The following HNF4G variants were observed in gnomAD, a reference collection of about 807,000 sequenced individuals.
HNF4G encodes hepatocyte nuclear factor 4 gamma, also known as hepatocyte nuclear factor 4-gamma.
HNF4G carries 21 observed loss-of-function variants against 50.9 expected under a neutral mutation model. The ratio of observed to expected loss-of-function variants is 0.41; its 90% CI spans 0.29 to 0.59. HNF4G has a LOEUF of 0.59. Among genes scored for constraint, HNF4G ranks in the 20% least tolerant of loss-of-function variants. The pLI is 0.26. For missense variants in HNF4G, 527 were observed against 559.4 expected (o/e 0.94, Z 0.58); for synonymous variants, 198 against 185.6 (o/e 1.07, Z -0.54).
intron 2 of HNF4G, among the ~76,000 whole-genome samples, chr8:75,523,716 C>A (rs1806106645): frequency 6.6e-6 from 1 of 151,716 alleles, no homozygotes; most frequent in South Asian, 2.1e-4. Context: ...CTTCTCCCTG[C>A]TGTATAAAAT....
rs960389476 is a variant in HNF4G, at chr8:75,464,484, TC to T, written c.-143-25601del. ...AAGTTTTATATTGTCTCAGATTTTT[TC>T]CCCTTGGAAATGTCCTTCATGGAGC... On this transcript the variant is annotated intron_variant, in intron 1 of 10. Coordinates refer to the HNF4G transcript ENST00000354370. Among the ~76,000 whole-genome samples, 32 of 152,294 alleles carry T rather than the reference TC, an allele frequency of 2.1e-4. 1 individual carries two copies. The highest frequency in any genetic ancestry group is 7.5e-4 in the African/African-American group (31 of 41,562).
chr8:75,544,650 G>GTT (rs11320101), intron 2 of HNF4G, among the ~76,000 whole-genome samples: 7 of 145,110 alleles, frequency 4.8e-5, no homozygotes, highest in African/African-American at 1.0e-4. Context: ...GTTTTCTTGG[G>GTT]TTTTTTTTTT....
At chr8:75,547,071 C>T (rs1365187697) in intron 2 of HNF4G, among the ~76,000 whole-genome samples, 1 of 152,076 alleles carries the variant, frequency 6.6e-6, no homozygotes, top group African/African-American at 2.4e-5. Context: ...TAAAGTCTTA[C>T]CCCATGATGC....
chr8:75,481,744 A>G lies in HNF4G; in HGVS notation c.-143-8345A>G, dbSNP rs1482969700. Among the ~76,000 whole-genome samples the G allele has an allele frequency of 2.0e-5, 3 of 152,188 alleles. No homozygotes were observed. The East Asian group carries it at 5.8e-4, about 29-fold the overall frequency. ...GATCAACATGGCCAAATTCTATTTCAATAAAAATTATGCATCTAAATTTTC... is the reference window on the plus strand; with the variant it reads ...GATCAACATGGCCAAATTCTATTTCGATAAAAATTATGCATCTAAATTTTC... On this transcript the variant is annotated intron_variant, in intron 1 of 10. Coordinates refer to the HNF4G transcript ENST00000354370.
intron 1 of HNF4G, among the ~76,000 whole-genome samples, chr8:75,468,801 G>A (rs1340271694): frequency 6.6e-6 from 1 of 151,876 alleles, no homozygotes; most frequent in Non-Finnish European, 1.5e-5. Flanking sequence ...TTCCTAATAT[G>A]GTAGCCTTGT....
intron 1 of HNF4G, among the ~76,000 whole-genome samples, chr8:75,471,622 A>G (rs1029032900): frequency 6.6e-6 from 1 of 152,060 alleles, no homozygotes; most frequent in Non-Finnish European, 1.5e-5. Flanking sequence ...TTAATTTCCA[A>G]TTTATCTTTC....
chr8:75,441,603 G>A (rs2130548051), intron 1 of HNF4G, among the ~76,000 whole-genome samples: 1 of 152,266 alleles, frequency 6.6e-6, no homozygotes, highest in Admixed American at 6.5e-5. Context: ...ATAATTTACA[G>A]CAGATCTTGA....
rs1387776242 is a variant in HNF4G, at chr8:75,448,542, C to T, written c.-144+40380C>T. Among the ~76,000 whole-genome samples, 19 of 138,382 alleles carry T rather than the reference C, an allele frequency of 1.4e-4. 1 individual carries two copies. The East Asian group carries it at 1.7e-3, about 13-fold the overall frequency. 90.8% of individuals were successfully genotyped at this position (138,382 alleles called of 152,430 possible). A position where few individuals can be genotyped will look rare whatever the true frequency, so the allele number is the denominator to read the frequency against. ...AAAAAAAGAAAACCTAATATTTATACGTTTCTAATATAAGATTATATGATG... is the reference window on the plus strand; with the variant it reads ...AAAAAAAGAAAACCTAATATTTATATGTTTCTAATATAAGATTATATGATG... On this transcript the variant is annotated intron_variant, in intron 1 of 10. Coordinates refer to the HNF4G transcript ENST00000354370.
intron 1 of HNF4G, among the ~76,000 whole-genome samples, chr8:75,463,030 TTCC>T (rs757645022): frequency 6.6e-6 from 1 of 151,832 alleles, no homozygotes; most frequent in Non-Finnish European, 1.5e-5. Flanking sequence ...GCTCTTTTTG[TTCC>T]TCCTCTGATA....
chr8:75,411,234 T>A (rs1463881624), intron 1 of HNF4G, among the ~76,000 whole-genome samples: 1 of 152,202 alleles, frequency 6.6e-6, no homozygotes, highest in East Asian at 1.9e-4. Context: ...GGTGCCTAAC[T>A]GAGCAGAGGA....
At chr8:75,448,499 A>C (rs1319545603) in intron 1 of HNF4G, among the ~76,000 whole-genome samples, 8 of 150,436 alleles carry the variant, frequency 5.3e-5, no homozygotes, top group Non-Finnish European at 1.2e-4. Flanking sequence ...AAAAAAAAAA[A>C]AAACAAATAC....
intron 1 of HNF4G, among the ~76,000 whole-genome samples, chr8:75,540,851 ATGTGTGTG>A (rs56799230): frequency 1.4e-5 from 2 of 146,372 alleles, no homozygotes; most frequent in Non-Finnish European, 3.0e-5. Flanking sequence ...GAAAATGTGT[ATGTGTGTG>A]TGTGTGTGTG....
chr8:75,411,351 G>GGTATCAGCAGCAA (rs1276575412), intron 1 of HNF4G, among the ~76,000 whole-genome samples: 1 of 152,236 alleles, frequency 6.6e-6, no homozygotes, highest in Non-Finnish European at 1.5e-5. Context: ...ATCTGTAAGA[G>GGTATCAGCAGCAA]GTATCAGCAC....
chr8:75,432,361 G>C (rs1287625171), intron 1 of HNF4G, among the ~76,000 whole-genome samples: 1 of 151,970 alleles, frequency 6.6e-6, no homozygotes, highest in Non-Finnish European at 1.5e-5. Flanking sequence ...CTGTTGCCCA[G>C]GCTGGAGTGC....
At chr8:75,539,823 GC>G (rs1010754595), upstream of HNF4G, 2 of 571,062 alleles carry the variant, frequency 3.5e-6, no homozygotes, top group African/African-American at 1.9e-5. Flanking sequence ...CAGTTTTACA[GC>G]CCCTCCCATT....
chr8:75,422,696 C>T (rs1323845612), intron 1 of HNF4G, among the ~76,000 whole-genome samples: 2 of 150,702 alleles, frequency 1.3e-5, no homozygotes, highest in Admixed American at 1.3e-4. Context: ...TGCGGTGGTG[C>T]GATCTCGGCT....
intron 4 of HNF4G, 52 bp from the exon 5 acceptor site, chr8:75,552,990 T>C: frequency 3.8e-6 from 5 of 1,325,386 alleles, no homozygotes; most frequent in Non-Finnish European, 3.1e-6. Flanking sequence ...AAAAGGGGAA[T>C]GTTGGCCATC....
At chr8:75,521,811 A>G (rs1374204315) in intron 2 of HNF4G, among the ~76,000 whole-genome samples, 1 of 152,134 alleles carries the variant, frequency 6.6e-6, no homozygotes, top group Non-Finnish European at 1.5e-5. Context: ...CATTAAGTCC[A>G]TTGCATGTCT....
At chr8:75,478,941 C>T (rs540792530) in intron 1 of HNF4G, among the ~76,000 whole-genome samples, 12 of 152,218 alleles carry the variant, frequency 7.9e-5, no homozygotes, top group African/African-American at 2.6e-4. Context: ...AGGCTGGTCT[C>T]GAACTCCCGA....
Sources: allele counts gnomAD v4.1 joint callset (sites outside exome capture counted in the v4.1 genomes callset), GRCh38; gene constraint gnomAD v4.1.1; transcripts MANE v1.5; gene names NCBI Gene and HGNC (gene_info 2026-07-23, HGNC 2026-07-21).